The following UBAC2 variants were observed in gnomAD, a reference collection of about 807,000 sequenced individuals.
UBAC2 encodes the protein UBA domain containing 2.
A neutral mutation model predicts 44.0 loss-of-function variants in UBAC2; 26 were observed. That is an observed-to-expected ratio of 0.59 (90% CI 0.43 to 0.82). The LOEUF is 0.82. Ranked by LOEUF, UBAC2 falls within the 40% of genes least tolerant of loss-of-function variation. UBAC2 has a pLI of 0.00. For synonymous variants in UBAC2, 155 were observed against 154.3 expected (o/e 1.00, Z -0.04); for missense variants, 329 against 419.4 (o/e 0.78, Z 1.88).
chr13:99,291,980 T>C (rs900511616), intron 4 of UBAC2, among the ~76,000 whole-genome samples: 1 of 152,224 alleles, frequency 6.6e-6, no homozygotes, highest in African/African-American at 2.4e-5. Context: ...TTATAATCTA[T>C]ACCTATTGTT....
In UBAC2 at chr13:99,232,399, G is replaced by GATATATATATATATATAT. The variant is rs1555321112; in HGVS notation, c.32-6023_32-6022insTATATATATATATATATA. On this transcript the variant is annotated intron_variant, in intron 1 of 8. Coordinates refer to ENST00000403766, the MANE Select transcript of UBAC2 (RefSeq NM_001144072.2). Reference sequence around the variant, plus strand: ...AGACCCTGTCCATCCTTAGTTGAGAGATATAGATATATATATATATATTCA... The same window carrying GATATATATATATATATAT: ...AGACCCTGTCCATCCTTAGTTGAGAGATATATATATATATATATATATAGATATATATATATATATTCA... 4.9e-3 allele frequency among the ~76,000 whole-genome samples: 537 copies of GATATATATATATATATAT among 109,828 alleles called. 22 individuals carry two copies. The highest frequency in any genetic ancestry group is 8.3e-3 in the Non-Finnish European group (391 of 47,184). 72.1% of individuals were successfully genotyped at this position (109,828 alleles called of 152,430 possible).
At chr13:99,326,828 T>TA (rs1471727102) in intron 6 of UBAC2, among the ~76,000 whole-genome samples, 2 of 152,138 alleles carry the variant, frequency 1.3e-5, no homozygotes, top group Admixed American at 6.6e-5. Context: ...CAGTTATTCT[T>TA]AAAGTTTCCC....
At position 99,371,262 on chromosome 13, in the gene UBAC2, C is replaced by T. The variant is rs79378470; in HGVS notation, c.927+3356C>T. On this transcript the variant is annotated intron_variant, in intron 8 of 8. Transcript: ENST00000403766. ...TTAAAACAGTACTTAATTTCTTCCT[C>T]GCTCCGTGTTACGAGAAGTTGTAAA... Among the ~76,000 whole-genome samples the T allele has an allele frequency of 6.4e-3, 978 of 151,978 alleles. 6 individuals carry two copies. Among genetic ancestry groups the T allele is most frequent in the African/African-American group, 0.023 (948 of 41,438 alleles).
intron 1 of UBAC2, among the ~76,000 whole-genome samples, chr13:99,229,690 A>G (rs969526577): frequency 6.6e-5 from 10 of 152,236 alleles, no homozygotes; most frequent in African/African-American, 2.4e-4. Context: ...AGCTATTTTA[A>G]TAATCAATGG....
intron 8 of UBAC2, among the ~76,000 whole-genome samples, chr13:99,375,705 G>A (rs2045470507): frequency 6.6e-6 from 1 of 152,052 alleles, no homozygotes; most frequent in African/African-American, 2.4e-5. Context: ...TCATTGGAAT[G>A]AATGTCCCAT....
At chr13:99,294,020 C>A (rs936081356) in intron 4 of UBAC2, among the ~76,000 whole-genome samples, 6 of 152,118 alleles carry the variant, frequency 3.9e-5, no homozygotes, top group South Asian at 2.1e-4. Flanking sequence ...CTGGAAAGGT[C>A]ATGCTACTCA....
At chr13:99,333,445 A>T (rs1295711202) in intron 6 of UBAC2, among the ~76,000 whole-genome samples, 1 of 152,226 alleles carries the variant, frequency 6.6e-6, no homozygotes, top group East Asian at 1.9e-4. Context: ...CTTTAAAAGG[A>T]TCTAAGATAA....
chr13:99,226,144 G>A (rs140567398), intron 1 of UBAC2, among the ~76,000 whole-genome samples: 2,668 of 152,250 alleles, frequency 0.018, 29 homozygotes, highest in Middle Eastern at 0.031. Flanking sequence ...GTTATTTTGA[G>A]TGGCACTGGT....
chr13:99,295,913 A>T lies in UBAC2; in HGVS notation c.390-18184A>T. 6.2e-7 allele frequency: 1 copy of T among 1,613,786 alleles called. No homozygotes were observed. The highest frequency in any genetic ancestry group is 8.5e-7 in the Non-Finnish European group (1 of 1,179,804). On this transcript the variant is annotated intron_variant, in intron 4 of 8. Transcript: ENST00000403766. The surrounding 1 kb of genome is among the most constrained non-coding windows in gnomAD (Gnocchi z 4.1). ...TGTAGGCAAAGCGGTGGTAAAAAGT[A>T]TATCAGAAATCACCAAATTTGTTGA...
chr13:99,354,601 G>A (rs2045147783), intron 7 of UBAC2, among the ~76,000 whole-genome samples: 1 of 151,732 alleles, frequency 6.6e-6, no homozygotes, highest in Admixed American at 6.5e-5. Flanking sequence ...GAAGGGACCA[G>A]GGAGGGCACT....
intron 8 of UBAC2, 46 bp from the exon 9 acceptor site, chr13:99,385,182 C>G: frequency 9.3e-6 from 13 of 1,396,116 alleles, no homozygotes; most frequent in Non-Finnish European, 1.3e-5. Context: ...CAGGGATAAG[C>G]GGCAATGTCA....
chr13:99,201,358 C>CT, intron 1 of UBAC2: 4 of 1,565,836 alleles, frequency 2.6e-6, no homozygotes, highest in Non-Finnish European at 3.5e-6. Flanking sequence ...CCCCCCGCCC[C>CT]CACTTGCAAA....
At chr13:99,280,572 G>A (rs1167311077) in intron 4 of UBAC2, among the ~76,000 whole-genome samples, 1 of 152,128 alleles carries the variant, frequency 6.6e-6, no homozygotes, top group Non-Finnish European at 1.5e-5. Context: ...CATTACTTGA[G>A]ATGGTAATTA....
intron 1 of UBAC2, among the ~76,000 whole-genome samples, chr13:99,217,212 C>T (rs908920896): frequency 1.3e-5 from 2 of 152,174 alleles, no homozygotes; most frequent in Admixed American, 6.5e-5. Context: ...CGTTGCTCAG[C>T]GTCAGTGGCT....
Position 99,386,067 on chromosome 13 carries a change from G to T in UBAC2, c.*732G>T, listed in dbSNP as rs955066266. The T allele has an allele frequency of 6.6e-6, 1 of 152,282 alleles. No homozygotes were observed. Among genetic ancestry groups the T allele is most frequent in the African/African-American group, 2.4e-5 (1 of 41,464 alleles). 9.4% of individuals were successfully genotyped at this position (152,282 alleles called of 1,614,324 possible). On this transcript the variant is annotated 3_prime_UTR_variant, in exon 9 of 9. Transcript: ENST00000403766. ...CCACATGGGCTGACTAGGGCACTCT[G>T]TGGCTGGCCTGGCATGGGCTCAGCC...
rs772736453 is a variant in UBAC2, at chr13:99,201,529, A to G, written c.31+590A>G. 5 of 1,614,164 alleles carry G rather than the reference A, an allele frequency of 3.1e-6. No individual in the cohort carries two copies. The East Asian group carries it at 8.9e-5, about 29-fold the overall frequency. On this transcript the variant is annotated intron_variant, in intron 1 of 8. Transcript: ENST00000403766. The stretch of plus-strand genomic sequence containing the variant: ...CGAGGGAGCGCAGCTGTGCTGCTGG[A>G]TGTTGCTGTTTTCCTGGCGTGTTAG...
intron 6 of UBAC2, among the ~76,000 whole-genome samples, chr13:99,338,071 T>TTTTTTTTTTTTTTTTTTTTTTA (rs1555330450): frequency 2.9e-5 from 3 of 105,136 alleles, no homozygotes; most frequent in African/African-American, 6.8e-5. Context: ...TTTTTTTTTT[T>TTTTTTTTTTTTTTTTTTTTTTA]TTTTGAGACA....
chr13:99,375,970 A>ATTTT (rs34164759), intron 8 of UBAC2, among the ~76,000 whole-genome samples: 2 of 130,828 alleles, frequency 1.5e-5, no homozygotes, highest in East Asian at 4.4e-4. Flanking sequence ...AGCCCAGCTA[A>ATTTT]TTTTTTTTTT....
rs542110563 is a variant in UBAC2, at chr13:99,355,471, G to A, written c.808-12316G>A. 4.4e-4 allele frequency among the ~76,000 whole-genome samples: 67 copies of A among 152,364 alleles called. 1 individual carries two copies. Among genetic ancestry groups the A allele is most frequent in the African/African-American group, 1.5e-3 (61 of 41,586 alleles). On this transcript the variant is annotated intron_variant, in intron 7 of 8. Coordinates refer to ENST00000403766, the MANE Select transcript of UBAC2 (RefSeq NM_001144072.2). Reference sequence around the variant, plus strand: ...AAGCTGCAAGACAAGGCCTTGGCATGCTCTTCCTGCGCTGATGTCCCTGAC... The same window carrying A: ...AAGCTGCAAGACAAGGCCTTGGCATACTCTTCCTGCGCTGATGTCCCTGAC...
Sources: gnomAD v4.1 joint callset for allele counts (sites outside exome capture counted in the v4.1 genomes callset) on GRCh38, gnomAD v4.1.1 for gene constraint, Gnocchi (gnomAD v3.1) non-coding constraint, MANE v1.5 for transcripts, NCBI Gene and HGNC (gene_info 2026-07-23, HGNC 2026-07-21) for gene names.